CCNY: variants seen among roughly 807,000 people sequenced by gnomAD.
The protein encoded by CCNY is cyclin Y.
A neutral mutation model predicts 42.8 loss-of-function variants in CCNY; 19 were observed. The ratio of observed to expected loss-of-function variants is 0.44; its 90% CI spans 0.31 to 0.65. CCNY has a LOEUF of 0.65. Among genes scored for constraint, CCNY ranks in the 30% least tolerant of loss-of-function variants. The pLI, the probability that CCNY is intolerant of heterozygous loss-of-function variation, is 0.07. For synonymous variants in CCNY, 165 were observed against 162.7 expected, an observed-to-expected ratio of 1.01 and a Z score of -0.11; for missense variants, 370 against 437.3, an observed-to-expected ratio of 0.85 and a Z score of 1.37.
At chr10:35,519,050 T>C (rs1840488895) in intron 4 of CCNY, among the ~76,000 whole-genome samples, 1 of 149,610 alleles carries the variant, frequency 6.7e-6, no homozygotes, top group African/African-American at 2.5e-5. Flanking sequence ...CTGGCTGAGG[T>C]ATATTGTGAG....
intron 1 of CCNY, among the ~76,000 whole-genome samples, chr10:35,418,458 C>T (rs957825208): frequency 2.6e-5 from 4 of 152,148 alleles, no homozygotes; most frequent in African/African-American, 9.7e-5. Flanking sequence ...ATTGGGCAAT[C>T]AGTTTTCATC....
intron 3 of CCNY, among the ~76,000 whole-genome samples, chr10:35,289,595 C>T (rs1286457055): frequency 1.3e-5 from 2 of 151,932 alleles, no homozygotes; most frequent in Non-Finnish European, 2.9e-5. Context: ...AAAAACTGGC[C>T]GAGAGCAGTG....
chr10:35,406,201 T>TTTTATTTATTTATTTA (rs34172154), intron 1 of CCNY, among the ~76,000 whole-genome samples: 14 of 124,394 alleles, frequency 1.1e-4, no homozygotes, highest in African/African-American at 2.6e-4. Flanking sequence ...TTCTTTTTTA[T>TTTTATTTATTTATTTA]TTTATTTATT....
At chr10:35,315,826 T>C in intron 3 of CCNY, among the ~76,000 whole-genome samples, 1 of 152,176 alleles carries the variant, frequency 6.6e-6, no homozygotes, top group East Asian at 1.9e-4. Context: ...TGTGCCATCT[T>C]ACCCATTTTT....
chr10:35,410,403 A>C (rs1837878126), intron 1 of CCNY, among the ~76,000 whole-genome samples: 1 of 152,192 alleles, frequency 6.6e-6, no homozygotes, highest in Non-Finnish European at 1.5e-5. Flanking sequence ...TTTTCTTTTA[A>C]AAATTATGAT....
chr10:35,437,313 A>G (rs1825591067), intron 1 of CCNY, among the ~76,000 whole-genome samples: 1 of 152,198 alleles, frequency 6.6e-6, no homozygotes, highest in Non-Finnish European at 1.5e-5. Flanking sequence ...ATAATTTGAA[A>G]TCAAATTTTT....
intron 1 of CCNY, among the ~76,000 whole-genome samples, chr10:35,466,119 A>T (rs1173684803): frequency 6.6e-6 from 1 of 151,956 alleles, no homozygotes; most frequent in African/African-American, 2.4e-5. Flanking sequence ...TGTAGTCAGC[A>T]CACATTTTGG....
chr10:35,564,984 G>A (rs1841539746), intron 8 of CCNY, among the ~76,000 whole-genome samples: 1 of 152,074 alleles, frequency 6.6e-6, no homozygotes, highest in South Asian at 2.1e-4. Flanking sequence ...CAGTGGGTGG[G>A]CACCCTGTGG....
At chr10:35,372,363 C>G (rs551803872) in intron 1 of CCNY, among the ~76,000 whole-genome samples, 2 of 152,318 alleles carry the variant, frequency 1.3e-5, no homozygotes, top group South Asian at 4.1e-4. Flanking sequence ...GATTACTCTT[C>G]CAAAAGTCAG....
chr10:35,363,919 A>G (rs1478989111), intron 1 of CCNY, among the ~76,000 whole-genome samples: 2 of 152,194 alleles, frequency 1.3e-5, no homozygotes, highest in East Asian at 3.8e-4. Flanking sequence ...AGAAGAGCGG[A>G]GAAAGATTGG....
chr10:35,534,974 C>CACAT (rs1433358098), intron 7 of CCNY, among the ~76,000 whole-genome samples: 2 of 134,760 alleles, frequency 1.5e-5, no homozygotes, highest in African/African-American at 2.8e-5. Context: ...CACACACACA[C>CACAT]ATATATATAT....
chr10:35,508,310 C>T (rs1840255873), intron 3 of CCNY, among the ~76,000 whole-genome samples: 1 of 152,200 alleles, frequency 6.6e-6, no homozygotes, highest in Non-Finnish European at 1.5e-5. Context: ...ATACCTAGTT[C>T]ATGCTTGTGC....
intron 1 of CCNY, among the ~76,000 whole-genome samples, chr10:35,439,697 A>G (rs1838623220): frequency 6.6e-6 from 1 of 150,946 alleles, no homozygotes; most frequent in South Asian, 2.1e-4. Flanking sequence ...GCTTCTTGGT[A>G]GGATGAGTGA....
At chr10:35,482,111 G>GA (rs1319482455) in intron 1 of CCNY, among the ~76,000 whole-genome samples, 1 of 152,128 alleles carries the variant, frequency 6.6e-6, no homozygotes. Context: ...GCTGATGTAG[G>GA]AAAAAAATCA....
intron 1 of CCNY, among the ~76,000 whole-genome samples, chr10:35,454,052 G>A (rs1165718392): frequency 6.6e-6 from 1 of 152,172 alleles, no homozygotes; most frequent in Non-Finnish European, 1.5e-5. Flanking sequence ...ACTGTACTGT[G>A]ACAGGCGGCG....
intron 1 of CCNY, among the ~76,000 whole-genome samples, chr10:35,451,018 T>G (rs1838904645): frequency 2.6e-5 from 4 of 152,250 alleles, no homozygotes; most frequent in Admixed American, 2.6e-4. Context: ...GATCTCAAAT[T>G]TCTTTGGTTT....
chr10:35,426,250 CACAA>C (rs1254644995), intron 1 of CCNY, among the ~76,000 whole-genome samples: 1 of 151,922 alleles, frequency 6.6e-6, no homozygotes, highest in Non-Finnish European at 1.5e-5. Flanking sequence ...CACACACACA[CACAA>C]ACACACAAAC....
intron 7 of CCNY, among the ~76,000 whole-genome samples, chr10:35,536,919 G>A (rs912927948): frequency 3.3e-5 from 5 of 152,192 alleles, no homozygotes; most frequent in African/African-American, 1.2e-4. Flanking sequence ...GCAGAAACTT[G>A]CAGGAGAGAA....
At chr10:35,288,128 G>C (rs905268774) in intron 3 of CCNY, among the ~76,000 whole-genome samples, 28 of 152,188 alleles carry the variant, frequency 1.8e-4, no homozygotes, top group African/African-American at 5.1e-4. Flanking sequence ...ACTGGTATAG[G>C]CAGGCTTAAA....
Sources: allele counts gnomAD v4.1 joint callset (sites outside exome capture counted in the v4.1 genomes callset), GRCh38; gene constraint gnomAD v4.1.1; transcripts MANE v1.5; gene names NCBI Gene and HGNC (gene_info 2026-07-23, HGNC 2026-07-21).